PHACTR2: variants seen among roughly 807,000 people sequenced by gnomAD.
PHACTR2 encodes the protein phosphatase and actin regulator 2.
PHACTR2 carries 30 observed loss-of-function variants against 76.0 expected under a neutral mutation model. That is an observed-to-expected ratio of 0.39 (90% confidence interval 0.30 to 0.54). The LOEUF (loss-of-function observed/expected upper bound fraction) is 0.54, where lower values mean the gene tolerates loss of function less well. Among genes scored for constraint, PHACTR2 ranks in the 20% least tolerant of loss-of-function variants. The probability of loss-of-function intolerance (pLI) is 0.61; values close to 1 mark genes in which losing one functional copy is unlikely to be tolerated. For missense variants in PHACTR2, 696 were observed against 781.1 expected (o/e 0.89, Z 1.30); for synonymous variants, 292 against 292.5 (o/e 1.00, Z 0.02).
chr6:143,729,965 AATTG>A (rs1276100617), intron 2 of PHACTR2, among the ~76,000 whole-genome samples: 1 of 147,166 alleles, frequency 6.8e-6, no homozygotes, highest in Non-Finnish European at 1.5e-5. Flanking sequence ...TTTGTTCAAA[AATTG>A]ATTGGCAACA....
chr6:143,632,275 T>A (rs1303128688), intron 1 of PHACTR2, among the ~76,000 whole-genome samples: 1 of 152,210 alleles, frequency 6.6e-6, no homozygotes. Context: ...TGCTTCTATT[T>A]GGGGAAGAAT....
intron 1 of PHACTR2, among the ~76,000 whole-genome samples, chr6:143,699,308 A>G (rs1476759188): frequency 1.3e-5 from 2 of 152,096 alleles, no homozygotes; most frequent in Non-Finnish European, 2.9e-5. Flanking sequence ...CCCGACACCC[A>G]GGGCTCCTTC....
Position 143,633,113 on chromosome 6 carries a change from G to T in PHACTR2, c.13+24791G>T, listed in dbSNP as rs1012212298. 6.6e-6 allele frequency among the ~76,000 whole-genome samples: 1 copy of T among 152,140 alleles called. No homozygotes were observed. Among genetic ancestry groups the T allele is most frequent in the African/African-American group, 2.4e-5 (1 of 41,414 alleles). On this transcript the variant is annotated intron_variant, in intron 1 of 11. Transcript: ENST00000305766. This position sits in a 1 kb window ranked among gnomAD's most constrained non-coding sequence, Gnocchi z 4.1. ...GCTGACATAATCTTTCAGCCGATTTGGTTAAATACCAAGGCGTGCAATTGC... is the reference window on the plus strand; with the variant it reads ...GCTGACATAATCTTTCAGCCGATTTTGTTAAATACCAAGGCGTGCAATTGC...
Position 143,662,577 on chromosome 6 carries a change from C to T in PHACTR2, c.14-49439C>T, listed in dbSNP as rs1013326823. Among the ~76,000 whole-genome samples, 3 of 151,924 alleles carry T rather than the reference C, an allele frequency of 2.0e-5. No individual in the cohort carries two copies. Among genetic ancestry groups the T allele is most frequent in the Non-Finnish European group, 2.9e-5 (2 of 67,992 alleles). ...TATTGAATAATGAAAGTGTTTTAAA[C>T]AACACTAAAAATGCATCTGTATTTT... On this transcript the variant is annotated intron_variant, in intron 1 of 11. Coordinates refer to the PHACTR2 transcript ENST00000305766. This position sits in a 1 kb window ranked among gnomAD's most constrained non-coding sequence, Gnocchi z 4.7.
At chr6:143,579,118 G>A (rs773307983) in intron 1 of PHACTR2, among the ~76,000 whole-genome samples, 11 of 152,074 alleles carry the variant, frequency 7.2e-5, no homozygotes, top group Admixed American at 3.3e-4. Flanking sequence ...TGCCCAGGAC[G>A]GTCTTGAACT....
rs777640944 is a variant in PHACTR2 at position 143,765,251 on chromosome 6, TCTATTG to T, written c.695-9_695-4del. 1.2e-6 allele frequency: 2 copies of T among 1,600,772 alleles called. No individual in the cohort carries two copies. The highest frequency in any genetic ancestry group is 1.7e-6 in the Non-Finnish European group (2 of 1,173,682). On this transcript the variant is annotated splice_region_variant and splice_polypyrimidine_tract_variant and intron_variant, in intron 5 of 12. Transcript: ENST00000440869. This position sits in a 1 kb window ranked among gnomAD's most constrained non-coding sequence, Gnocchi z 4.1. ...CTTTGATTTTTTAATGCAAGGTCTCTCTATTGTAGCTGGCTCCTCTCATTCAAAAAA... is the reference window on the plus strand; with the variant it reads ...CTTTGATTTTTTAATGCAAGGTCTCTTAGCTGGCTCCTCTCATTCAAAAAA...
At position 143,639,704 on chromosome 6, in the gene PHACTR2, G is replaced by A. The variant is rs1776531283; in HGVS notation, c.13+31382G>A. ...GACAGTTGACAAGCTTGATGTAATT[G>A]ATCAAGAACTCTGCACACAACAAGT... On this transcript the variant is annotated intron_variant, in intron 1 of 11. Transcript: ENST00000305766. This position sits in a 1 kb window ranked among gnomAD's most constrained non-coding sequence, Gnocchi z 5.0. Among the ~76,000 whole-genome samples, 1 of 152,142 alleles carries A rather than the reference G, an allele frequency of 6.6e-6. No homozygotes were observed. Among genetic ancestry groups the A allele is most frequent in the African/African-American group, 2.4e-5 (1 of 41,430 alleles).
At chr6:143,573,378 T>G (rs1368985461) in intron 1 of PHACTR2, among the ~76,000 whole-genome samples, 1 of 152,182 alleles carries the variant, frequency 6.6e-6, no homozygotes, top group Non-Finnish European at 1.5e-5. Context: ...CTAGGTCTTA[T>G]GGAAGTTTCT....
intron 2 of PHACTR2, among the ~76,000 whole-genome samples, chr6:143,715,491 G>A (rs1050403423): frequency 2.6e-5 from 4 of 152,192 alleles, no homozygotes; most frequent in South Asian, 2.1e-4. Context: ...TTTGAGGACA[G>A]CATGTTAACT....
At position 143,624,985 on chromosome 6, in the gene PHACTR2, G is replaced by A. The variant is rs776100187; in HGVS notation, c.13+16663G>A. On this transcript the variant is annotated intron_variant, in intron 1 of 11. Transcript: ENST00000305766. This position sits in a 1 kb window ranked among gnomAD's most constrained non-coding sequence, Gnocchi z 4.6. ...AGCCTGGTCAACATGGTGAAAACCCGTATCTACTGAAAATAGAAAAATTAG... is the reference window on the plus strand; with the variant it reads ...AGCCTGGTCAACATGGTGAAAACCCATATCTACTGAAAATAGAAAAATTAG... Among the ~76,000 whole-genome samples the A allele has an allele frequency of 4.3e-4, 65 of 152,136 alleles. No homozygotes were observed. Among genetic ancestry groups the A allele is most frequent in the Non-Finnish European group, 6.8e-4 (46 of 67,992 alleles).
chr6:143,777,349 A>G lies in PHACTR2; in HGVS notation c.1611A>G (p.Thr537=), dbSNP rs1180705326. The change falls in exon 9 of 13, where the codon ACA becomes ACG. Residue 537 remains threonine (T), a synonymous_variant. Transcript: ENST00000440869. This position sits in a 1 kb window ranked among gnomAD's most constrained non-coding sequence, Gnocchi z 4.6. ...KLVRRLSQRP[T]TEELEQRNIL... is the part of the protein sequence containing the mutation. ...ATAGGAGGCTGAGCCAGAGGCCCAC[A>G]ACTGAAGAATTAGAGCAAAGAAACA... 1 of 1,603,464 alleles carries G rather than the reference A, an allele frequency of 6.2e-7. No homozygotes were observed. The highest frequency in any genetic ancestry group is 1.7e-5 in the Admixed American group (1 of 59,598).
chr6:143,760,439 G>T lies in PHACTR2; in HGVS notation c.493G>T (p.Ala165Ser). 1.2e-6 allele frequency: 2 copies of T among 1,613,398 alleles called. No individual in the cohort carries two copies. The highest frequency in any genetic ancestry group is 1.7e-6 in the Non-Finnish European group (2 of 1,179,566). ...ENHSETPAAPALPPSAPPKPR... is the reference protein window; with the variant it reads ...ENHSETPAAPSLPPSAPPKPR... ...CCACTCTGAAACACCGGCAGCTCCT[G>T]CTCTACCTCCTTCTGCTCCTCCTAA... The change falls in exon 5 of 13, where the codon GCT (alanine) becomes TCT (serine). Residue 165 changes from alanine to serine, a missense_variant. This residue lies in a region of PHACTR2 where 460 missense variants were observed against 450.9 expected (regional missense o/e 1.02). Coordinates refer to ENST00000440869, the MANE Select transcript of PHACTR2 (RefSeq NM_001100164.2). The surrounding 1 kb of genome is among the most constrained non-coding windows in gnomAD (Gnocchi z 6.4).
At chr6:143,667,428 T>G (rs1485749239) in intron 1 of PHACTR2, among the ~76,000 whole-genome samples, 1 of 152,218 alleles carries the variant, frequency 6.6e-6, no homozygotes, top group Non-Finnish European at 1.5e-5. Context: ...AGTGGTAGCT[T>G]GATGGGGATA....
At chr6:143,796,385 T>C (rs556474191) in intron 11 of PHACTR2, among the ~76,000 whole-genome samples, 24 of 36,480 alleles carry the variant, frequency 6.6e-4, no homozygotes, top group African/African-American at 2.4e-3. Context: ...TTTCTTTTCT[T>C]TCTTTCTTTC....
In PHACTR2 at chr6:143,656,720, G is replaced by C. The variant is rs547407144; in HGVS notation, c.13+48398G>C. 7.9e-5 allele frequency among the ~76,000 whole-genome samples: 12 copies of C among 152,290 alleles called. 1 individual carries two copies. In the South Asian group the frequency reaches 2.5e-3, roughly 32 times the overall value. On this transcript the variant is annotated intron_variant, in intron 1 of 11. Transcript: ENST00000305766. The surrounding 1 kb of genome is among the most constrained non-coding windows in gnomAD (Gnocchi z 5.3). ...TCAAGATTTTTCACCAGCCTCTGGA[G>C]TTATCACTGATTAGCAAAGCATTTT... is the stretch of plus-strand genomic sequence containing the variant.
At chr6:143,555,248 A>G (rs1775157496) in intron 1 of PHACTR2, 1 of 152,198 alleles carries the variant, frequency 6.6e-6, no homozygotes, top group Admixed American at 6.5e-5. Context: ...AAAATACAGA[A>G]GAGAAGCTAT....
In PHACTR2 at chr6:143,578,155, C is replaced by T. The variant is rs944581504; in HGVS notation, c.217+40948C>T. Among the ~76,000 whole-genome samples the T allele has an allele frequency of 6.6e-6, 1 of 152,148 alleles. No homozygotes were observed. The highest frequency in any genetic ancestry group is 6.5e-5 in the Admixed American group (1 of 15,272). ...AGCTTCATTTACTGTTGTTCCTTCACAAAGGAACCATTGCAGTCAAGTGCA... is the reference window on the plus strand; with the variant it reads ...AGCTTCATTTACTGTTGTTCCTTCATAAAGGAACCATTGCAGTCAAGTGCA... On this transcript the variant is annotated intron_variant, in intron 1 of 11. Transcript: ENST00000367584. This position sits in a 1 kb window ranked among gnomAD's most constrained non-coding sequence, Gnocchi z 4.5.
At chr6:143,694,125 A>AGAAGGAAG (rs143997167) in intron 1 of PHACTR2, among the ~76,000 whole-genome samples, 2 of 141,828 alleles carry the variant, frequency 1.4e-5, no homozygotes, top group Non-Finnish European at 3.1e-5. Context: ...AAGGAAGGAA[A>AGAAGGAAG]GAAGGAAGGA....
rs980309737 is a variant in PHACTR2, at chr6:143,754,517, C to T, written c.454+605C>T. On this transcript the variant is annotated intron_variant, in intron 4 of 12. Coordinates refer to ENST00000440869, the MANE Select transcript of PHACTR2 (RefSeq NM_001100164.2). This position sits in a 1 kb window ranked among gnomAD's most constrained non-coding sequence, Gnocchi z 6.2. ...TGGAAACTTCAAAATGTGCCAGAGGCGATTATGCTATTCCCAGAAGACTTC... is the reference window on the plus strand; with the variant it reads ...TGGAAACTTCAAAATGTGCCAGAGGTGATTATGCTATTCCCAGAAGACTTC... Among the ~76,000 whole-genome samples, 4 of 152,176 alleles carry T rather than the reference C, an allele frequency of 2.6e-5. No individual in the cohort carries two copies. The highest frequency in any genetic ancestry group is 7.2e-5 in the African/African-American group (3 of 41,438).
Sources: allele counts gnomAD v4.1 joint callset (sites outside exome capture counted in the v4.1 genomes callset), GRCh38; gene constraint gnomAD v4.1.1; regional missense constraint gnomAD v4.1.1; non-coding constraint Gnocchi (gnomAD v3.1); transcripts MANE v1.5; gene names NCBI Gene and HGNC (gene_info 2026-07-23, HGNC 2026-07-21).